The following BANP variants were observed in gnomAD, a reference collection of about 807,000 sequenced individuals.
BANP encodes the protein BTG3 associated nuclear protein.
In BANP, 11 loss-of-function variants were observed where a neutral mutation model predicts 68.1. The observed-to-expected ratio is 0.16, with a 90% CI of 0.10 to 0.27. BANP has a LOEUF of 0.27. BANP is among the 10% of genes least tolerant of loss of function. The pLI, the probability that BANP is intolerant of heterozygous loss-of-function variation, is 1.00. For synonymous variants in BANP, 329 were observed against 303.2 expected (o/e 1.09, Z -0.88); for missense variants, 504 against 722.7 (o/e 0.70, Z 3.47).
In BANP at chr16:88,076,811, C is replaced by G. The variant is rs922763242; in HGVS notation, c.*150C>G. On this transcript the variant is annotated 3_prime_UTR_variant, in exon 14 of 14. Transcript: ENST00000682872. ...CCGCTGCCTCCGCGGGGAACAGCAT[C>G]CTATCAACTGAAAGAGCAGCCGCCG... The G allele has an allele frequency of 1.5e-6, 1 of 652,232 alleles. No homozygotes were observed. Among genetic ancestry groups the G allele is most frequent in the Admixed American group, 3.3e-5 (1 of 30,528 alleles). The allele number at this position is 652,232 out of a possible 1,614,324, so 40.4% of individuals were successfully genotyped here.
At chr16:88,061,709 A>T (rs1019147048) in intron 11 of BANP, among the ~76,000 whole-genome samples, 1 of 150,590 alleles carries the variant, frequency 6.6e-6, no homozygotes, top group Admixed American at 6.6e-5. Flanking sequence ...TTTGTTGCCC[A>T]GGCTGGAGTG....
At chr16:88,037,916 T>C in intron 10 of BANP, 57 bp from the exon 11 acceptor site, 1 of 1,549,286 alleles carries the variant, frequency 6.5e-7, no homozygotes, top group Non-Finnish European at 8.9e-7. Flanking sequence ...TTGCCGTGTC[T>C]GAGGGTGTCT....
At chr16:88,062,297 C>T (rs900486275) in intron 11 of BANP, among the ~76,000 whole-genome samples, 2 of 152,264 alleles carry the variant, frequency 1.3e-5, no homozygotes, top group South Asian at 2.1e-4. Flanking sequence ...GGGCTTCTTG[C>T]GTTGACCTTA....
chr16:87,961,750 A>G lies in BANP; in HGVS notation c.-69+10235A>G, dbSNP rs146560878. Among the ~76,000 whole-genome samples, 499 of 152,294 alleles carry G rather than the reference A, an allele frequency of 3.3e-3. 1 individual carries two copies. The highest frequency in any genetic ancestry group is 0.012 in the African/African-American group (480 of 41,548). On this transcript the variant is annotated intron_variant, in intron 1 of 13. Coordinates refer to ENST00000682872, the MANE Select transcript of BANP (RefSeq NM_001386991.1). The stretch of plus-strand genomic sequence containing the variant: ...CACAGTATTAAGAGGTGATTGGATC[A>G]TGAGGGCTCAGCCCTCAGGAATGCG...
intron 11 of BANP, among the ~76,000 whole-genome samples, chr16:88,053,891 T>C (rs1313008825): frequency 4.8e-4 from 19 of 39,492 alleles, no homozygotes; most frequent in Admixed American, 7.3e-4. Flanking sequence ...ACCAACACAG[T>C]CCCCTTCACC....
chr16:88,035,203 A>T (rs1018561456), intron 9 of BANP, 120 bp from the exon 10 acceptor site: 2 of 960,506 alleles, frequency 2.1e-6, no homozygotes, highest in Non-Finnish European at 3.2e-6. Context: ...ACTATTCAGG[A>T]TTTAGTTATC....
intron 4 of BANP, among the ~76,000 whole-genome samples, chr16:87,991,968 C>A (rs1326811028): frequency 6.6e-6 from 1 of 152,166 alleles, no homozygotes; most frequent in Non-Finnish European, 1.5e-5. Flanking sequence ...CAGCATTTCA[C>A]CATTAAGTCT....
At chr16:88,044,110 C>T (rs1362757672) in intron 11 of BANP, among the ~76,000 whole-genome samples, 1 of 152,222 alleles carries the variant, frequency 6.6e-6, no homozygotes, top group Non-Finnish European at 1.5e-5. Context: ...CGTGGGTACC[C>T]TGAGCCAGTG....
rs34974822 is a variant in BANP at position 88,075,746 on chromosome 16, C to CTTT, written c.1522-828_1522-826dup. 2.0e-3 allele frequency among the ~76,000 whole-genome samples: 244 copies of CTTT among 120,894 alleles called. 6 individuals carry two copies. The highest frequency in any genetic ancestry group is 6.8e-3 in the African/African-American group (212 of 31,018). 79.3% of individuals were successfully genotyped at this position (120,894 alleles called of 152,430 possible). ...TCCAAGACTGTATGTTTTTCCTTTACTTTTTTTTTTTTTTTTTTGAGATGG... is the reference window on the plus strand; with the variant it reads ...TCCAAGACTGTATGTTTTTCCTTTACTTTTTTTTTTTTTTTTTTTTTGAGATGG... On this transcript the variant is annotated intron_variant, in intron 13 of 13. Coordinates refer to ENST00000682872, the MANE Select transcript of BANP (RefSeq NM_001386991.1).
chr16:87,968,274 G>T (rs58261902), intron 1 of BANP, among the ~76,000 whole-genome samples: 17 of 151,368 alleles, frequency 1.1e-4, no homozygotes, highest in Admixed American at 9.8e-4. Flanking sequence ...ACCTGAGGCC[G>T]GGAGTTCGAG....
chr16:87,996,469 CTGGT>C (rs1313949849), intron 4 of BANP, among the ~76,000 whole-genome samples: 16 of 84,248 alleles, frequency 1.9e-4, no homozygotes, highest in African/African-American at 7.4e-4. Flanking sequence ...CAGCTGGGCT[CTGGT>C]TCTGAGTGTT....
At chr16:88,026,031 C>T (rs1479675068) in intron 7 of BANP, among the ~76,000 whole-genome samples, 1 of 152,236 alleles carries the variant, frequency 6.6e-6, no homozygotes, top group Non-Finnish European at 1.5e-5. Context: ...CAGTGGGGCG[C>T]TGGCTCCCTC....
At chr16:88,006,967 A>AG (rs1053081829) in intron 6 of BANP, among the ~76,000 whole-genome samples, 3 of 151,886 alleles carry the variant, frequency 2.0e-5, no homozygotes, top group African/African-American at 7.3e-5. Flanking sequence ...AAAAAAAAAA[A>AG]AAAGATAGTG....
chr16:87,975,267 C>T, intron 2 of BANP, 82 bp downstream of exon 2: 3 of 1,416,404 alleles, frequency 2.1e-6, no homozygotes, highest in Non-Finnish European at 9.9e-7. Flanking sequence ...ATTTTCTTTC[C>T]TTTAAGCAGA....
At chr16:87,968,885 T>C (rs2060610114) in intron 1 of BANP, among the ~76,000 whole-genome samples, 1 of 152,200 alleles carries the variant, frequency 6.6e-6, no homozygotes, top group African/African-American at 2.4e-5. Flanking sequence ...CTTTTTCTTT[T>C]TGAAAAAGTG....
At chr16:88,059,756 C>T (rs934314198) in intron 11 of BANP, among the ~76,000 whole-genome samples, 1 of 152,226 alleles carries the variant, frequency 6.6e-6, no homozygotes, top group Non-Finnish European at 1.5e-5. Flanking sequence ...CAGGGCCCTA[C>T]CAGCTGCACT....
At chr16:88,060,861 G>T (rs923210817) in intron 11 of BANP, among the ~76,000 whole-genome samples, 3 of 48,462 alleles carry the variant, frequency 6.2e-5, no homozygotes, top group South Asian at 7.9e-4. Context: ...TCCCCTGCCC[G>T]CCCACCCTCC....
chr16:88,032,447 C>T (rs987471179), intron 8 of BANP, among the ~76,000 whole-genome samples: 4 of 152,182 alleles, frequency 2.6e-5, no homozygotes, highest in African/African-American at 9.7e-5. Context: ...GGTGATCTAC[C>T]TGCCTTGGCC....
chr16:88,043,618 G>A (rs181740831), intron 11 of BANP, among the ~76,000 whole-genome samples: 2 of 152,246 alleles, frequency 1.3e-5, no homozygotes, highest in Non-Finnish European at 2.9e-5. Context: ...TTAACTTAAG[G>A]GATTGCAGAA....
Sources: allele counts gnomAD v4.1 joint callset (sites outside exome capture counted in the v4.1 genomes callset), GRCh38; gene constraint gnomAD v4.1.1; transcripts MANE v1.5; gene names NCBI Gene and HGNC (gene_info 2026-07-23, HGNC 2026-07-21).